ITGA4: variants seen among roughly 807,000 people sequenced by gnomAD.
ITGA4 encodes integrin alpha-4.
Under a neutral mutation model 133.6 loss-of-function variants are expected in ITGA4, and 63 were observed. That is an observed-to-expected ratio of 0.47 (90% confidence interval 0.38 to 0.58). ITGA4 has a LOEUF of 0.58. Ranked by LOEUF, ITGA4 falls within the 20% of genes least tolerant of loss-of-function variation. The pLI is 0.00. For synonymous variants in ITGA4, 483 were observed against 438.0 expected (o/e 1.10, Z -1.28); for missense variants, 1,076 against 1,252.7 (o/e 0.86, Z 2.13).
Position 181,523,647 on chromosome 2 carries a change from C to G in ITGA4, c.2169+115C>G. ...AAATATTTTAGCTTGGGGTAGGTAGCTGAGTGATGAAATAAAACTGGTTCT... is the reference window on the plus strand; with the variant it reads ...AAATATTTTAGCTTGGGGTAGGTAGGTGAGTGATGAAATAAAACTGGTTCT... On this transcript the variant is annotated intron_variant, in intron 19 of 27. Transcript: ENST00000397033. This position sits in a 1 kb window ranked among gnomAD's most constrained non-coding sequence, Gnocchi z 4.2. 2 of 590,738 alleles carry G rather than the reference C, an allele frequency of 3.4e-6. No individual in the cohort carries two copies. The highest frequency in any genetic ancestry group is 6.0e-6 in the Non-Finnish European group (2 of 332,316). The allele number at this position is 590,738 out of a possible 1,614,324, so 36.6% of individuals were successfully genotyped here.
intron 7 of ITGA4, among the ~76,000 whole-genome samples, chr2:181,481,890 A>C (rs1447413429): frequency 6.6e-6 from 1 of 152,238 alleles, no homozygotes; most frequent in African/African-American, 2.4e-5. Flanking sequence ...CAAAAGTCAA[A>C]CGAGACATTG....
intron 21 of ITGA4, among the ~76,000 whole-genome samples, chr2:181,526,141 G>GA (rs1369563017): frequency 1.3e-5 from 2 of 152,164 alleles, no homozygotes; most frequent in East Asian, 3.9e-4. Context: ...GCAAACGGGT[G>GA]AAAAAAGGCC....
chr2:181,538,151 AG>A lies in ITGA4; in HGVS notation c.*2625del, dbSNP rs755966802. On this transcript the variant is annotated 3_prime_UTR_variant, in exon 28 of 28. Transcript: ENST00000397033. ...CCACATTTCTTTATATTAAAATTCT[AG>A]TTTGTACATTTCTTTTAGAAACAAT... The A allele has an allele frequency of 5.8e-6, 8 of 1,390,390 alleles. No homozygotes were observed. The Admixed American group carries it at 1.3e-4, about 23-fold the overall frequency. The allele number at this position is 1,390,390 out of a possible 1,614,324, so 86.1% of individuals were successfully genotyped here. A position where few individuals can be genotyped will look rare whatever the true frequency, so the allele number is the denominator to read the frequency against.
At chr2:181,486,050 A>C in intron 10 of ITGA4, 58 bp downstream of exon 10, 8 of 1,531,244 alleles carry the variant, frequency 5.2e-6, no homozygotes, top group Non-Finnish European at 7.0e-6. Flanking sequence ...TTTATGGAAG[A>C]AAATATGATT....
At chr2:181,528,967 A>G (rs1277784708) in intron 22 of ITGA4, among the ~76,000 whole-genome samples, 1 of 152,212 alleles carries the variant, frequency 6.6e-6, no homozygotes, top group Non-Finnish European at 1.5e-5. Flanking sequence ...TTTTCTTCTG[A>G]ATGCATCAGC....
At position 181,536,689 on chromosome 2, in the gene ITGA4, A is replaced by G. The variant is rs576432552; in HGVS notation, c.*1162A>G. 6 of 173,438 alleles carry G rather than the reference A, an allele frequency of 3.5e-5. No homozygotes were observed. Among genetic ancestry groups the G allele is most frequent in the Admixed American group, 1.2e-4 (2 of 17,050 alleles). The allele number at this position is 173,438 out of a possible 1,614,324, so 10.7% of individuals were successfully genotyped here. ...CAGCAAAATTTTCATGAAATGTAAA[A>G]TATTTTTATAGTTTGTTCATACTAT... On this transcript the variant is annotated 3_prime_UTR_variant, in exon 28 of 28. Coordinates refer to ENST00000397033, the MANE Select transcript of ITGA4 (RefSeq NM_000885.6).
intron 27 of ITGA4, 137 bp downstream of exon 27, chr2:181,535,072 C>A: frequency 1.1e-6 from 1 of 898,974 alleles, no homozygotes; most frequent in Non-Finnish European, 1.5e-6. Context: ...ACTGATCTCA[C>A]ATTTCTCTTC....
At chr2:181,510,813 A>C (rs1259599443) in intron 16 of ITGA4, among the ~76,000 whole-genome samples, 3 of 152,032 alleles carry the variant, frequency 2.0e-5, no homozygotes, top group Non-Finnish European at 4.4e-5. Flanking sequence ...AATAGTGAAA[A>C]TCTCAATATT....
At chr2:181,469,204 T>C (rs1685488931) in intron 2 of ITGA4, among the ~76,000 whole-genome samples, 1 of 152,196 alleles carries the variant, frequency 6.6e-6, no homozygotes, top group Admixed American at 6.5e-5. Context: ...ACAATTTGCT[T>C]AACATTTGAT....
rs1685149830 is a variant in ITGA4, at chr2:181,457,501, CCCT to C, written c.-149_-147del. The C allele has an allele frequency of 4.3e-6, 3 of 696,796 alleles. No individual in the cohort carries two copies. The highest frequency in any genetic ancestry group is 6.9e-6 in the Non-Finnish European group (3 of 437,666). The allele number at this position is 696,796 out of a possible 1,614,324, so 43.2% of individuals were successfully genotyped here. ...GCTCCGCCCGCGGTGGGCCGACTTC[CCCT>C]CCTCTTCCCTCTCTCCTTCCTTTAG... On this transcript the variant is annotated 5_prime_UTR_variant, in exon 1 of 28. Coordinates refer to ENST00000397033, the MANE Select transcript of ITGA4 (RefSeq NM_000885.6).
At chr2:181,493,531 A>C (rs574259608) in intron 11 of ITGA4, 112 bp downstream of exon 11, 1 of 565,226 alleles carries the variant, frequency 1.8e-6, no homozygotes, top group African/African-American at 2.0e-5. Context: ...AATACTTAAC[A>C]CTTTATTTCA....
chr2:181,500,527 C>T (rs1247503716), intron 15 of ITGA4, among the ~76,000 whole-genome samples: 1 of 152,136 alleles, frequency 6.6e-6, no homozygotes, highest in African/African-American at 2.4e-5. Flanking sequence ...GGTTGGGATG[C>T]CTGGGTTGCT....
At chr2:181,485,351 A>G (rs985868767) in intron 9 of ITGA4, among the ~76,000 whole-genome samples, 8 of 151,636 alleles carry the variant, frequency 5.3e-5, no homozygotes, top group African/African-American at 9.7e-5. Flanking sequence ...TTATCCTTCA[A>G]TAGCCTCCTG....
At chr2:181,476,798 C>G (rs533812972) in intron 4 of ITGA4, among the ~76,000 whole-genome samples, 11 of 152,190 alleles carry the variant, frequency 7.2e-5, no homozygotes, top group African/African-American at 2.4e-4. Context: ...TAAAAAATAA[C>G]GAGATTATGT....
At chr2:181,463,167 T>C (rs1397891355) in intron 2 of ITGA4, among the ~76,000 whole-genome samples, 1 of 152,088 alleles carries the variant, frequency 6.6e-6, no homozygotes, top group African/African-American at 2.4e-5. Flanking sequence ...GACCCTGAAG[T>C]CTTTGAGAGC....
At chr2:181,507,553 A>T (rs11675041) in intron 15 of ITGA4, among the ~76,000 whole-genome samples, 37,927 of 151,802 alleles carry the variant, frequency 0.25, 5,188 homozygotes, top group Non-Finnish European at 0.31. Flanking sequence ...CCCTGCAGTA[A>T]CCCTGGGGGA....
chr2:181,459,418 T>G (rs1212281587), intron 2 of ITGA4: 2 of 151,626 alleles, frequency 1.3e-5, no homozygotes, highest in Non-Finnish European at 2.9e-5. Context: ...CTTTTGAGAT[T>G]AGTTATTGGA....
Position 181,526,855 on chromosome 2 carries a change from A to ATTTTTTTTTTTTTTTTTTTTTT in ITGA4, c.2340-442_2340-441insTTTTTTTTTTTTTTTTTTTTTT, listed in dbSNP as rs1491076854. Among the ~76,000 whole-genome samples the ATTTTTTTTTTTTTTTTTTTTTT allele has an allele frequency of 1.5e-4, 2 of 13,282 alleles. 1 individual carries two copies. Among genetic ancestry groups the ATTTTTTTTTTTTTTTTTTTTTT allele is most frequent in the Non-Finnish European group, 7.0e-4 (2 of 2,876 alleles). The allele number at this position is 13,282 out of a possible 152,430, so 8.7% of individuals were successfully genotyped here. ...TTTTTTTTTTTTTTTTTTTTTTTTA[A>ATTTTTTTTTTTTTTTTTTTTTT]GAGTCTCGCTCTATTGCCCATGCTG... On this transcript the variant is annotated intron_variant, in intron 21 of 27. Transcript: ENST00000397033.
intron 15 of ITGA4, among the ~76,000 whole-genome samples, chr2:181,508,569 G>T (rs1438887425): frequency 1.3e-5 from 2 of 151,930 alleles, no homozygotes; most frequent in African/African-American, 4.8e-5. Context: ...GGTTGTGCAT[G>T]CCTGTAATTC....
Sources: gnomAD v4.1 joint callset for allele counts (sites outside exome capture counted in the v4.1 genomes callset) on GRCh38, gnomAD v4.1.1 for gene constraint, Gnocchi (gnomAD v3.1) non-coding constraint, MANE v1.5 for transcripts, NCBI Gene and HGNC (gene_info 2026-07-23, HGNC 2026-07-21) for gene names.